The following KAT6A variants were observed in gnomAD, a reference collection of about 807,000 sequenced individuals.
KAT6A encodes the protein histone acetyltransferase KAT6A.
In KAT6A, 9 loss-of-function variants were observed where a neutral mutation model predicts 198.4. The ratio of observed to expected loss-of-function variants is 0.05; its 90% CI spans 0.03 to 0.08. The LOEUF (loss-of-function observed/expected upper bound fraction) is 0.08, where lower values mean the gene tolerates loss of function less well. KAT6A is among the 10% of genes least tolerant of loss of function. The pLI is 1.00. For missense variants in KAT6A, 2,077 were observed against 2,509.9 expected, an observed-to-expected ratio of 0.83 and a Z score of 3.69; for synonymous variants, 890 against 883.0, an observed-to-expected ratio of 1.01 and a Z score of -0.14.
intron 2 of KAT6A, among the ~76,000 whole-genome samples, chr8:42,015,170 A>G (rs1201853563): frequency 6.6e-6 from 1 of 152,222 alleles, no homozygotes; most frequent in Non-Finnish European, 1.5e-5. Context: ...AAAGCTCACA[A>G]GTAATATGTC....
chr8:41,986,888 A>T (rs1286474127), intron 3 of KAT6A, among the ~76,000 whole-genome samples: 1 of 152,098 alleles, frequency 6.6e-6, no homozygotes, highest in Middle Eastern at 3.2e-3. Context: ...AAATATAAAA[A>T]TTAGCCAGGT....
intron 9 of KAT6A, among the ~76,000 whole-genome samples, chr8:41,954,656 C>G (rs1822840015): frequency 6.6e-6 from 1 of 151,978 alleles, no homozygotes; most frequent in African/African-American, 2.4e-5. Context: ...CCTCAATATC[C>G]CCACGAAGTA....
chr8:41,946,075 C>T (rs1200751653), intron 12 of KAT6A, among the ~76,000 whole-genome samples: 2 of 151,298 alleles, frequency 1.3e-5, no homozygotes, highest in Non-Finnish European at 2.9e-5. Flanking sequence ...ATAAAAGGAA[C>T]GTGTGGCTTT....
intron 8 of KAT6A, among the ~76,000 whole-genome samples, chr8:41,970,966 G>C (rs181225130): frequency 6.6e-6 from 1 of 151,894 alleles, no homozygotes; most frequent in Non-Finnish European, 1.5e-5. Context: ...GCAAATTATT[G>C]TAAGGACAAA....
At chr8:42,011,526 T>G (rs111456514) in intron 2 of KAT6A, among the ~76,000 whole-genome samples, 2,564 of 151,570 alleles carry the variant, frequency 0.017, 64 homozygotes, top group African/African-American at 0.057. Context: ...TCACCTGAGG[T>G]CAGGAGTTCG....
At chr8:41,986,669 C>G (rs1824621032) in intron 3 of KAT6A, among the ~76,000 whole-genome samples, 1 of 152,134 alleles carries the variant, frequency 6.6e-6, no homozygotes, top group South Asian at 2.1e-4. Context: ...AGTACAGAAG[C>G]TCATCTCAGT....
intron 12 of KAT6A, 135 bp from the exon 13 acceptor site, chr8:41,944,114 G>T: frequency 1.6e-6 from 1 of 611,714 alleles, no homozygotes. Context: ...AAAAAAGAGA[G>T]AAACAAATTG....
intron 16 of KAT6A, among the ~76,000 whole-genome samples, chr8:41,935,095 T>C (rs966991103): frequency 1.3e-5 from 2 of 152,224 alleles, no homozygotes; most frequent in African/African-American, 2.4e-5. Context: ...CTGGTCAACA[T>C]TATGTTATCA....
At chr8:41,969,907 T>C (rs548324474) in intron 8 of KAT6A, among the ~76,000 whole-genome samples, 6 of 152,324 alleles carry the variant, frequency 3.9e-5, no homozygotes, top group Admixed American at 1.3e-4. Flanking sequence ...TCTAGCTCTT[T>C]ACTCTGCTGA....
intron 2 of KAT6A, among the ~76,000 whole-genome samples, chr8:42,014,108 AT>A (rs2150910570): frequency 6.6e-6 from 1 of 152,196 alleles, no homozygotes; most frequent in South Asian, 2.1e-4. Context: ...TTTTTCAACC[AT>A]TTAGAATTGT....
intron 5 of KAT6A, 131 bp downstream of exon 5, chr8:41,980,715 G>A: frequency 1.4e-6 from 1 of 715,810 alleles, no homozygotes; most frequent in Non-Finnish European, 2.5e-6. Context: ...TAAGGTGACA[G>A]TTCTCTTCCT....
At chr8:41,989,633 T>C (rs1824825186) in intron 2 of KAT6A, among the ~76,000 whole-genome samples, 1 of 152,022 alleles carries the variant, frequency 6.6e-6, no homozygotes, top group Non-Finnish European at 1.5e-5. Context: ...CCACTGACAA[T>C]ATAATACAGA....
At chr8:41,962,366 C>T (rs1031638599) in intron 8 of KAT6A, among the ~76,000 whole-genome samples, 39 of 152,118 alleles carry the variant, frequency 2.6e-4, no homozygotes, top group African/African-American at 9.2e-4. Flanking sequence ...TAAATCTTTT[C>T]CCCAAATGTG....
intron 2 of KAT6A, among the ~76,000 whole-genome samples, chr8:42,032,434 C>T (rs1307478823): frequency 6.6e-6 from 1 of 152,118 alleles, no homozygotes; most frequent in African/African-American, 2.4e-5. Flanking sequence ...TTTAGGGGAA[C>T]AGATTTTATT....
chr8:42,015,085 G>A (rs1446912127), intron 2 of KAT6A, among the ~76,000 whole-genome samples: 1 of 152,178 alleles, frequency 6.6e-6, no homozygotes, highest in Non-Finnish European at 1.5e-5. Flanking sequence ...CAGAAGAGAG[G>A]AGAACAATAT....
In KAT6A at chr8:41,931,534, A is replaced by G. The variant is rs1186894400; in HGVS notation, c.*671T>C. ...AAAGATTTCAATGAAGTCCGTCTAT[A>G]AAGAAACATTCTTGGGGAAGGGTTT... is the stretch of plus-strand genomic sequence containing the variant. On this transcript the variant is annotated 3_prime_UTR_variant, in exon 17 of 17. Coordinates refer to ENST00000265713, the MANE Select transcript of KAT6A (RefSeq NM_006766.5). 4 of 207,034 alleles carry G rather than the reference A, an allele frequency of 1.9e-5. No homozygotes were observed. Among genetic ancestry groups the G allele is most frequent in the East Asian group, 1.5e-4 (2 of 13,714 alleles). 12.8% of individuals were successfully genotyped at this position (207,034 alleles called of 1,614,324 possible). A position where few individuals can be genotyped will look rare whatever the true frequency, so the allele number is the denominator to read the frequency against.
Position 41,934,010 on chromosome 8 carries a change from C to T in KAT6A, c.4210G>A (p.Glu1404Lys), listed in dbSNP as rs1264062552. Residue 1404 changes from glutamate to lysine, a missense_variant, in exon 17 of 17, where the codon GAA becomes AAA. By Grantham distance (56) the Glu-to-Lys change is moderately conservative. This residue lies in a region of KAT6A where 178 missense variants were observed against 220.8 expected (regional missense o/e 0.81). Coordinates refer to ENST00000265713, the MANE Select transcript of KAT6A (RefSeq NM_006766.5). ...DDHEEDSHTK[E>K]ELIELKEEEE... ...TCCTCTTTTAATTCGATTAACTCTT[C>T]CTTAGTGTGGGAGTCTTCTTCGTGG... 3 of 1,613,994 alleles carry T rather than the reference C, an allele frequency of 1.9e-6. No homozygotes were observed. In the African/African-American group the frequency reaches 4.0e-5, roughly 22 times the overall value.
Position 41,963,665 on chromosome 8 carries a change from C to T in KAT6A, c.1483-8254G>A, listed in dbSNP as rs138820250. ...TTCCTCAATCCATTGCTGACAATAT[C>T]ACCAGACTTGAGTTTCTAAAATACA... On this transcript the variant is annotated intron_variant, in intron 8 of 16. Coordinates refer to ENST00000265713, the MANE Select transcript of KAT6A (RefSeq NM_006766.5). Among the ~76,000 whole-genome samples the T allele has an allele frequency of 9.8e-5, 15 of 152,334 alleles. No individual in the cohort carries two copies. In the East Asian group the frequency reaches 1.9e-3, roughly 20 times the overall value.
intron 9 of KAT6A, among the ~76,000 whole-genome samples, chr8:41,953,472 A>T (rs1472534263): frequency 6.6e-6 from 1 of 152,074 alleles, no homozygotes; most frequent in Non-Finnish European, 1.5e-5. Flanking sequence ...TCCTTGGCAT[A>T]TTTATTTTCT....
Sources: gnomAD v4.1 joint callset for allele counts (sites outside exome capture counted in the v4.1 genomes callset) on GRCh38, gnomAD v4.1.1 for gene constraint, gnomAD v4.1.1 regional missense constraint, MANE v1.5 for transcripts, NCBI Gene and HGNC (gene_info 2026-07-23, HGNC 2026-07-21) for gene names.